RBFOX2: variants seen among roughly 807,000 people sequenced by gnomAD.
RBFOX2 encodes RNA binding protein fox-1 homolog 2.
A neutral mutation model predicts 49.1 loss-of-function variants in RBFOX2; 10 were observed. The observed-to-expected ratio is 0.20, with a 90% CI of 0.13 to 0.35. RBFOX2 has a LOEUF of 0.35. Ranked by LOEUF, RBFOX2 falls within the 10% of genes least tolerant of loss-of-function variation. RBFOX2 has a pLI of 1.00. For missense variants in RBFOX2, 323 were observed against 486.9 expected (o/e 0.66, Z 3.17); for synonymous variants, 183 against 187.4 (o/e 0.98, Z 0.19).
At chr22:35,910,986 T>C (rs145294090) in intron 1 of RBFOX2, among the ~76,000 whole-genome samples, 28 of 152,314 alleles carry the variant, frequency 1.8e-4, no homozygotes, top group African/African-American at 6.7e-4. Context: ...TTATTTTTAG[T>C]AAATATAATA....
At chr22:35,844,627 T>C, upstream of RBFOX2, among the ~76,000 whole-genome samples, 1 of 150,666 alleles carries the variant, frequency 6.6e-6, no homozygotes, top group Non-Finnish European at 1.5e-5. Flanking sequence ...CCCAAGTAGC[T>C]GGGATTACAG....
chr22:35,939,103 A>T, upstream of RBFOX2: 1 of 698,982 alleles, frequency 1.4e-6, no homozygotes, highest in Non-Finnish European at 2.6e-6. Flanking sequence ...GCTTAGGAGC[A>T]CTATTCATAA....
chr22:35,893,149 GCA>G (rs1216098685), intron 1 of RBFOX2, among the ~76,000 whole-genome samples: 3 of 152,200 alleles, frequency 2.0e-5, no homozygotes, highest in Admixed American at 2.0e-4. Flanking sequence ...TATTTTTATA[GCA>G]CAAAGTGGTA....
At chr22:35,864,945 C>T (rs2043496883) in intron 1 of RBFOX2, among the ~76,000 whole-genome samples, 2 of 152,224 alleles carry the variant, frequency 1.3e-5, no homozygotes, top group Admixed American at 6.5e-5. Context: ...GATTCCCTCT[C>T]AGGAGGCCCT....
At chr22:35,979,830 G>A (rs1212525215) in intron 1 of RBFOX2, among the ~76,000 whole-genome samples, 1 of 152,242 alleles carries the variant, frequency 6.6e-6, no homozygotes, top group Non-Finnish European at 1.5e-5. Context: ...TTCAACAAGT[G>A]TCAGTGCCAT....
chr22:35,947,154 TG>T (rs1280126302), intron 1 of RBFOX2, among the ~76,000 whole-genome samples: 2 of 151,894 alleles, frequency 1.3e-5, no homozygotes, highest in Non-Finnish European at 2.9e-5. Flanking sequence ...ATCGTGCCAC[TG>T]CACTCCAGCC....
intron 1 of RBFOX2, among the ~76,000 whole-genome samples, chr22:35,907,887 T>G (rs1314840746): frequency 6.6e-6 from 1 of 152,112 alleles, no homozygotes; most frequent in Non-Finnish European, 1.5e-5. Context: ...CCTTAAGAGA[T>G]CTACCTGCCT....
chr22:35,921,844 G>C (rs375140081), intron 1 of RBFOX2, among the ~76,000 whole-genome samples: 1 of 152,276 alleles, frequency 6.6e-6, no homozygotes, highest in African/African-American at 2.4e-5. Flanking sequence ...AATTCATCTG[G>C]GGCAGAGGGG....
In RBFOX2 at chr22:35,956,982, CT is replaced by C. The variant is rs1266105858; in HGVS notation, c.42+4580del. The stretch of plus-strand genomic sequence containing the variant: ...AAGTGTTTGGTGGTGAAGAACATAA[CT>C]ACTCAGTCGTCATTACATTCTTTGG... On this transcript the variant is annotated intron_variant, in intron 1 of 5. Transcript: ENST00000408983. Among the ~76,000 whole-genome samples the C allele has an allele frequency of 2.6e-5, 4 of 152,282 alleles. No homozygotes were observed. The East Asian group carries it at 7.7e-4, about 29-fold the overall frequency.
intron 1 of RBFOX2, chr22:35,999,706 T>C (rs1233726524): frequency 2.6e-5 from 4 of 151,944 alleles, no homozygotes; most frequent in East Asian, 1.9e-4. Flanking sequence ...AACAGAAAGA[T>C]AGCCCATGTT....
intron 1 of RBFOX2, among the ~76,000 whole-genome samples, chr22:35,954,060 T>A (rs1382474329): frequency 1.3e-5 from 2 of 152,312 alleles, no homozygotes; most frequent in East Asian, 3.9e-4. Context: ...CAGGCATATA[T>A]AACACACAAT....
intron 1 of RBFOX2, among the ~76,000 whole-genome samples, chr22:35,813,148 T>G (rs1164536197): frequency 6.6e-6 from 1 of 152,216 alleles, no homozygotes; most frequent in African/African-American, 2.4e-5. Flanking sequence ...CAACAATTGT[T>G]TATATATTAA....
At chr22:35,753,155 T>G (rs1368777038) in intron 9 of RBFOX2, among the ~76,000 whole-genome samples, 2 of 152,258 alleles carry the variant, frequency 1.3e-5, no homozygotes, top group Non-Finnish European at 2.9e-5. Context: ...GGTGCACTTT[T>G]CATACTAAAC....
intron 1 of RBFOX2, among the ~76,000 whole-genome samples, chr22:35,830,853 G>A (rs1956656344): frequency 6.6e-6 from 1 of 152,076 alleles, no homozygotes; most frequent in African/African-American, 2.4e-5. Context: ...GCATATGGAG[G>A]GAGAAAGGAA....
At chr22:35,938,593 A>T (rs1363067639) in intron 1 of RBFOX2, among the ~76,000 whole-genome samples, 1 of 152,228 alleles carries the variant, frequency 6.6e-6, no homozygotes, top group East Asian at 1.9e-4. Flanking sequence ...AGCCTGGAGA[A>T]GAAAATACAA....
chr22:35,898,481 A>G lies in RBFOX2; in HGVS notation c.-34+40366T>C, dbSNP rs35097282. 4.6e-5 allele frequency: 17 copies of G among 366,958 alleles called. 1 individual carries two copies. Among genetic ancestry groups the G allele is most frequent in the Non-Finnish European group, 6.4e-5 (13 of 202,978 alleles). 22.7% of individuals were successfully genotyped at this position (366,958 alleles called of 1,614,324 possible). Reference sequence around the variant, plus strand: ...CACTCTGTAGCCCAGGCTGCAGTGCAGTGGCGTGATCTCGACTCATCGCAA... The same window carrying G: ...CACTCTGTAGCCCAGGCTGCAGTGCGGTGGCGTGATCTCGACTCATCGCAA... On this transcript the variant is annotated intron_variant, in intron 1 of 13. Transcript: ENST00000359369.
At chr22:35,968,490 ACT>A (rs759622939) in intron 1 of RBFOX2, among the ~76,000 whole-genome samples, 8 of 43,492 alleles carry the variant, frequency 1.8e-4, no homozygotes, top group African/African-American at 1.1e-3. Flanking sequence ...ATAAAGCAAG[ACT>A]CTGTCAGTAA....
chr22:35,800,024 T>A (rs1949488250), intron 2 of RBFOX2, among the ~76,000 whole-genome samples: 1 of 151,420 alleles, frequency 6.6e-6, no homozygotes, highest in South Asian at 2.1e-4. Flanking sequence ...TTCCAAAGCA[T>A]TTCTTAATTT....
At chr22:35,767,727 G>A (rs1223384460) in intron 5 of RBFOX2, among the ~76,000 whole-genome samples, 1 of 151,944 alleles carries the variant, frequency 6.6e-6, no homozygotes, top group Non-Finnish European at 1.5e-5. Flanking sequence ...CACGAGTTTT[G>A]GATTATTTCC....
Sources: gnomAD v4.1 joint callset for allele counts (sites outside exome capture counted in the v4.1 genomes callset) on GRCh38, gnomAD v4.1.1 for gene constraint, MANE v1.5 for transcripts, NCBI Gene and HGNC (gene_info 2026-07-23, HGNC 2026-07-21) for gene names.